MRTFB: variants seen among roughly 807,000 people sequenced by gnomAD.
The protein encoded by MRTFB is myocardin related transcription factor B.
In MRTFB, 29 loss-of-function variants were observed where a neutral mutation model predicts 104.2. The ratio of observed to expected loss-of-function variants is 0.28; its 90% CI spans 0.21 to 0.38. The LOEUF is 0.38. Ranked by LOEUF, MRTFB falls within the 10% of genes least tolerant of loss-of-function variation. The probability of loss-of-function intolerance (pLI) is 1.00; values close to 1 mark genes in which losing one functional copy is unlikely to be tolerated. For synonymous variants in MRTFB, 535 were observed against 519.5 expected (o/e 1.03, Z -0.41); for missense variants, 1,270 against 1,341.6 (o/e 0.95, Z 0.83).
chr16:14,127,865 A>G (rs1433789065), intron 2 of MRTFB, among the ~76,000 whole-genome samples: 3 of 135,926 alleles, frequency 2.2e-5, no homozygotes, highest in Admixed American at 7.8e-5. Context: ...AGTCTCTCCT[A>G]TATCTTTGTC....
At chr16:14,185,898 C>T (rs1434977762) in intron 3 of MRTFB, among the ~76,000 whole-genome samples, 1 of 152,186 alleles carries the variant, frequency 6.6e-6, no homozygotes, top group Non-Finnish European at 1.5e-5. Context: ...GATTTCCTTC[C>T]AGCAGTGTCC....
rs750608863 is a variant in MRTFB, at chr16:14,247,238, G to A, written c.1978G>A (p.Ala660Thr). The A allele has an allele frequency of 1.9e-5, 30 of 1,614,048 alleles. No homozygotes were observed. Among genetic ancestry groups the A allele is most frequent in the Non-Finnish European group, 2.3e-5 (27 of 1,180,048 alleles). The change falls in exon 12 of 17, where the codon GCT becomes ACT. Residue 660 changes from alanine (A) to threonine (T), a missense_variant. Around this residue, in one of 3 missense-constraint regions of MRTFB, gnomAD observed 1,144 missense variants for 1,131.5 expected, o/e 1.01. Coordinates refer to ENST00000571589, the MANE Select transcript of MRTFB (RefSeq NM_001308142.2). The stretch of plus-strand genomic sequence containing the variant: ...GCAGCCCATCCCAGTAGCCAGCCAC[G>A]CTGTAGGCCAGCCCGTCTCTACAGG... ...SRQPIPVASH[A>T]VGQPVSTGGQ...
chr16:14,206,691 G>T (rs2040958535), intron 3 of MRTFB, among the ~76,000 whole-genome samples: 1 of 152,092 alleles, frequency 6.6e-6, no homozygotes, highest in Non-Finnish European at 1.5e-5. Context: ...ACAGGCACCT[G>T]CCACCTCGCC....
intron 2 of MRTFB, among the ~76,000 whole-genome samples, chr16:14,134,391 T>A (rs887424907): frequency 6.6e-6 from 1 of 152,280 alleles, no homozygotes; most frequent in Non-Finnish European, 1.5e-5. Context: ...GTCCTGTTTA[T>A]ATGTAGTGCA....
chr16:14,241,930 T>G (rs181597375), intron 10 of MRTFB, among the ~76,000 whole-genome samples: 4 of 150,862 alleles, frequency 2.7e-5, no homozygotes, highest in Admixed American at 2.0e-4. Flanking sequence ...TAGGGAGGCC[T>G]CCTCCACTGC....
At chr16:14,036,538 C>T in the MRTFB span, among the ~76,000 whole-genome samples, 2 of 145,200 alleles carry the variant, frequency 1.4e-5, no homozygotes, top group African/African-American at 5.1e-5. Flanking sequence ...TGAAATTATA[C>T]ATTCCATCAT....
the MRTFB span, among the ~76,000 whole-genome samples, chr16:14,046,688 A>G: frequency 1.8e-4 from 28 of 152,166 alleles, no homozygotes; most frequent in Non-Finnish European, 3.4e-4. Context: ...TGCCACGATC[A>G]TGTTTCTTAA....
At chr16:14,178,027 A>C (rs1056732859) in intron 3 of MRTFB, among the ~76,000 whole-genome samples, 1 of 151,980 alleles carries the variant, frequency 6.6e-6, no homozygotes, top group South Asian at 2.1e-4. Context: ...GAAAGTCCAA[A>C]TCTTAGGAGA....
At chr16:14,164,125 C>T (rs369537147) in intron 3 of MRTFB, among the ~76,000 whole-genome samples, 1 of 152,292 alleles carries the variant, frequency 6.6e-6, no homozygotes, top group South Asian at 2.1e-4. Context: ...TCACCCTATT[C>T]TGCTGTTGAA....
At chr16:14,068,250 T>C (rs2033542314), upstream of MRTFB, among the ~76,000 whole-genome samples, 6 of 152,222 alleles carry the variant, frequency 3.9e-5, no homozygotes, top group South Asian at 1.2e-3. Context: ...ATAACAGCTT[T>C]GATTTACTGA....
In MRTFB at chr16:14,240,495, G is replaced by A. The variant is rs1420731673; in HGVS notation, c.1079+11G>A. ...GCCTGCACCATTCAAGTACGGCGGG[G>A]CCCATGCTATCCTCAACGCGGGGTT... On this transcript the variant is annotated intron_variant, in intron 10 of 16. Transcript: ENST00000571589. 3.7e-6 allele frequency: 6 copies of A among 1,614,216 alleles called. No individual in the cohort carries two copies. The highest frequency in any genetic ancestry group is 5.1e-6 in the Non-Finnish European group (6 of 1,180,044).
At chr16:14,259,081 A>G (rs1451266905) in intron 16 of MRTFB, among the ~76,000 whole-genome samples, 3 of 116,688 alleles carry the variant, frequency 2.6e-5, no homozygotes, top group Admixed American at 1.7e-4. Flanking sequence ...TTGATATTTG[A>G]CTACAGATCT....
At chr16:14,035,911 C>T in the MRTFB span, among the ~76,000 whole-genome samples, 17 of 151,396 alleles carry the variant, frequency 1.1e-4, no homozygotes, top group Admixed American at 2.0e-4. Flanking sequence ...CCAAGGCCCA[C>T]TGTGTCGTTC....
intron 9 of MRTFB, among the ~76,000 whole-genome samples, chr16:14,235,764 G>GC (rs2042472107): frequency 6.6e-6 from 1 of 152,202 alleles, no homozygotes; most frequent in African/African-American, 2.4e-5. Context: ...CTCTACAGGT[G>GC]CCTTCCTGAC....
chr16:14,243,069 G>C (rs1027907109), intron 10 of MRTFB, among the ~76,000 whole-genome samples: 10 of 152,154 alleles, frequency 6.6e-5, no homozygotes, highest in African/African-American at 2.2e-4. Context: ...TGTCTAAAAG[G>C]CTCTTTCGGG....
chr16:14,119,955 C>G (rs946734236), intron 2 of MRTFB, among the ~76,000 whole-genome samples: 1 of 152,160 alleles, frequency 6.6e-6, no homozygotes, highest in Non-Finnish European at 1.5e-5. Context: ...CCTGACAGCA[C>G]TGTCTCAGAA....
At chr16:14,017,718 T>A in the MRTFB span, among the ~76,000 whole-genome samples, 75 of 33,990 alleles carry the variant, frequency 2.2e-3, no homozygotes, top group South Asian at 6.0e-3. Flanking sequence ...TATATTTTTT[T>A]TTTTTTTTTT....
At chr16:14,082,672 C>T (rs1415319728) in intron 2 of MRTFB, among the ~76,000 whole-genome samples, 1 of 151,998 alleles carries the variant, frequency 6.6e-6, no homozygotes, top group Non-Finnish European at 1.5e-5. Context: ...TCCAGTTACT[C>T]AGGAGGCTAA....
chr16:14,231,257 C>T (rs2042250056), intron 8 of MRTFB, among the ~76,000 whole-genome samples: 1 of 151,260 alleles, frequency 6.6e-6, no homozygotes, highest in African/African-American at 2.4e-5. Context: ...ACATTGTGCA[C>T]ATGTACCCTA....
Sources: gnomAD v4.1 joint callset for allele counts (sites outside exome capture counted in the v4.1 genomes callset) on GRCh38, gnomAD v4.1.1 for gene constraint, gnomAD v4.1.1 regional missense constraint, MANE v1.5 for transcripts, NCBI Gene and HGNC (gene_info 2026-07-23, HGNC 2026-07-21) for gene names.